The following HDAC9 variants were observed in gnomAD, a reference collection of about 807,000 sequenced individuals.
HDAC9 encodes MEF-2 interacting transcription repressor (MITR) protein.
HDAC9 carries 41 observed loss-of-function variants against 139.4 expected under a neutral mutation model. The ratio of observed to expected loss-of-function variants is 0.29; its 90% CI spans 0.23 to 0.38. The LOEUF (loss-of-function observed/expected upper bound fraction) is 0.38. Ranked by LOEUF, HDAC9 falls within the 10% of genes least tolerant of loss-of-function variation. The pLI, the probability that HDAC9 is intolerant of heterozygous loss-of-function variation, is 1.00. For missense variants in HDAC9, 1,147 were observed against 1,297.0 expected (o/e 0.88, Z 1.78); for synonymous variants, 517 against 476.2 (o/e 1.09, Z -1.12).
chr7:18,539,906 T>C (rs552667461), intron 2 of HDAC9, among the ~76,000 whole-genome samples: 1 of 151,964 alleles, frequency 6.6e-6, no homozygotes, highest in Admixed American at 6.6e-5. Context: ...TAAAACAAAA[T>C]AAAAGAAACA....
intron 22 of HDAC9, among the ~76,000 whole-genome samples, chr7:18,894,850 C>G (rs1234387906): frequency 6.6e-6 from 1 of 152,016 alleles, no homozygotes; most frequent in East Asian, 1.9e-4. Flanking sequence ...AGGTAGAAGG[C>G]TTGGGCTTAG....
intron 2 of HDAC9, among the ~76,000 whole-genome samples, chr7:18,565,386 T>C (rs1194009961): frequency 6.6e-6 from 1 of 152,248 alleles, no homozygotes; most frequent in Non-Finnish European, 1.5e-5. Context: ...GGGTAGAGAA[T>C]TTCTGTGAGT....
chr7:18,933,449 C>T (rs566583325), intron 22 of HDAC9, among the ~76,000 whole-genome samples: 63 of 152,182 alleles, frequency 4.1e-4, no homozygotes, highest in Non-Finnish European at 7.8e-4. Flanking sequence ...GTACTGATCT[C>T]ATTCATGAAG....
At chr7:18,399,544 A>T (rs192886838) in intron 1 of HDAC9, among the ~76,000 whole-genome samples, 1 of 152,296 alleles carries the variant, frequency 6.6e-6, no homozygotes, top group African/African-American at 2.4e-5. Flanking sequence ...AGGGAATCTC[A>T]TAGTAATAGG....
At chr7:18,105,096 G>GT (rs1783113310) in intron 1 of HDAC9, among the ~76,000 whole-genome samples, 1 of 148,944 alleles carries the variant, frequency 6.7e-6, no homozygotes, top group Non-Finnish European at 1.5e-5. Context: ...CTTTCTAGAT[G>GT]AGATTTCATC....
chr7:18,777,105 C>T (rs1274095636), intron 16 of HDAC9, among the ~76,000 whole-genome samples: 1 of 152,028 alleles, frequency 6.6e-6, no homozygotes, highest in Non-Finnish European at 1.5e-5. Context: ...GGCACACTTA[C>T]TCAGGCACTC....
chr7:18,972,206 T>C (rs748404062), intron 24 of HDAC9, among the ~76,000 whole-genome samples: 1 of 152,126 alleles, frequency 6.6e-6, no homozygotes, highest in East Asian at 1.9e-4. Flanking sequence ...CCACGATAAG[T>C]GAGAATGAGA....
intron 1 of HDAC9, among the ~76,000 whole-genome samples, chr7:18,145,969 T>A (rs745864094): frequency 2.0e-5 from 3 of 152,108 alleles, no homozygotes; most frequent in Admixed American, 6.6e-5. Flanking sequence ...GAGATGATAT[T>A]TCTCTGGAAA....
At chr7:18,643,377 A>C (rs1195802924) in intron 8 of HDAC9, among the ~76,000 whole-genome samples, 1 of 152,172 alleles carries the variant, frequency 6.6e-6, no homozygotes, top group Non-Finnish European at 1.5e-5. Context: ...CTTGGTTTTC[A>C]TGCACAAATA....
chr7:18,778,729 G>A (rs1010387241), intron 16 of HDAC9, among the ~76,000 whole-genome samples: 5 of 151,960 alleles, frequency 3.3e-5, no homozygotes, highest in South Asian at 4.2e-4. Context: ...TGAGTCCCCC[G>A]GATCTTAAGT....
At chr7:18,244,248 G>A (rs1351632205) in intron 2 of HDAC9, among the ~76,000 whole-genome samples, 1 of 152,086 alleles carries the variant, frequency 6.6e-6, no homozygotes, top group Non-Finnish European at 1.5e-5. Flanking sequence ...TGGAGTTCTA[G>A]TCATATGAGA....
chr7:18,429,984 C>A (rs978318466), intron 1 of HDAC9, among the ~76,000 whole-genome samples: 27 of 152,178 alleles, frequency 1.8e-4, no homozygotes, highest in African/African-American at 6.5e-4. Flanking sequence ...AGAACTCTTA[C>A]AGGCATTTCA....
chr7:18,303,028 A>T (rs1798646348), intron 1 of HDAC9, among the ~76,000 whole-genome samples: 1 of 152,192 alleles, frequency 6.6e-6, no homozygotes, highest in South Asian at 2.1e-4. Flanking sequence ...ACTTTTCCTA[A>T]AAACATGATT....
chr7:18,451,391 GTGTGTGTGTGTATATA>G (rs775935152), intron 1 of HDAC9, among the ~76,000 whole-genome samples: 32 of 142,488 alleles, frequency 2.2e-4, no homozygotes, highest in Non-Finnish European at 3.1e-4. Context: ...GTGTGTGTGT[GTGTGTGTGTGTATATA>G]TGTGTGTGTG....
At chr7:18,711,692 T>G (rs1308050905) in intron 12 of HDAC9, among the ~76,000 whole-genome samples, 9 of 152,296 alleles carry the variant, frequency 5.9e-5, no homozygotes, top group Admixed American at 5.2e-4. Flanking sequence ...CTTTTAGCCC[T>G]CAATGACTTT....
chr7:18,976,348 CAAAGAG>C (rs1585455328), intron 25 of HDAC9, among the ~76,000 whole-genome samples: 2 of 152,188 alleles, frequency 1.3e-5, no homozygotes, highest in East Asian at 3.9e-4. Context: ...GCTGATATAA[CAAAGAG>C]AAAGAGGAGA....
chr7:18,893,612 G>T (rs1339014409), intron 22 of HDAC9, among the ~76,000 whole-genome samples: 1 of 152,168 alleles, frequency 6.6e-6, no homozygotes, highest in Non-Finnish European at 1.5e-5. Flanking sequence ...TTCCACAATG[G>T]ACATTGCAGA....
intron 9 of HDAC9, 147 bp from the exon 10 acceptor site, chr7:18,647,638 A>C: frequency 1.6e-6 from 1 of 606,666 alleles, no homozygotes; most frequent in Non-Finnish European, 2.8e-6. Context: ...GTTAGTTTAA[A>C]AAGTCCATTT....
intron 11 of HDAC9, among the ~76,000 whole-genome samples, chr7:18,658,336 A>G (rs1200836940): frequency 6.6e-6 from 1 of 152,184 alleles, no homozygotes; most frequent in Non-Finnish European, 1.5e-5. Flanking sequence ...ACTAGTTGGA[A>G]CAAACCTTCA....
Sources: gnomAD v4.1 joint callset for allele counts (sites outside exome capture counted in the v4.1 genomes callset) on GRCh38, gnomAD v4.1.1 for gene constraint, MANE v1.5 for transcripts, NCBI Gene and HGNC (gene_info 2026-07-23, HGNC 2026-07-21) for gene names.